Variants in CHCHD6 observed in about 807,000 individuals in gnomAD.
CHCHD6 encodes coiled-coil-helix-coiled-coil-helix domain containing 6.
A neutral mutation model predicts 32.3 loss-of-function variants in CHCHD6; 28 were observed. The ratio of observed to expected loss-of-function variants is 0.87; its 90% CI spans 0.64 to 1.19. The LOEUF is 1.19. Among genes scored for constraint, CHCHD6 ranks in the 50% most tolerant of loss-of-function variants. The pLI, the probability that CHCHD6 is intolerant of heterozygous loss-of-function variation, is 0.00. For synonymous variants in CHCHD6, 122 were observed against 117.5 expected (o/e 1.04, Z -0.25); for missense variants, 333 against 307.0 (o/e 1.08, Z -0.63).
chr3:126,951,608 T>C (rs1214940369), intron 6 of CHCHD6, among the ~76,000 whole-genome samples: 1 of 152,152 alleles, frequency 6.6e-6, no homozygotes, highest in Admixed American at 6.5e-5. Context: ...TAGCTAGTTA[T>C]GGGTTCTTCA....
chr3:126,773,470 G>T (rs952928311), intron 4 of CHCHD6, among the ~76,000 whole-genome samples: 6 of 152,298 alleles, frequency 3.9e-5, no homozygotes, highest in African/African-American at 1.2e-4. Flanking sequence ...GCAAAGGCAA[G>T]TAAAAACACC....
chr3:126,773,635 G>T (rs1049809901), intron 4 of CHCHD6, among the ~76,000 whole-genome samples: 1 of 134,846 alleles, frequency 7.4e-6, no homozygotes, highest in African/African-American at 2.8e-5. Context: ...TTGAGACAGA[G>T]CGTCAGAGTC....
At chr3:126,794,794 C>T (rs1938714253) in intron 4 of CHCHD6, among the ~76,000 whole-genome samples, 1 of 152,092 alleles carries the variant, frequency 6.6e-6, no homozygotes, top group South Asian at 2.1e-4. Flanking sequence ...GTTGTGTTCA[C>T]CTCTGATGTC....
intron 4 of CHCHD6, among the ~76,000 whole-genome samples, chr3:126,849,426 G>C (rs77799423): frequency 0.019 from 2,876 of 152,296 alleles, 96 homozygotes; most frequent in African/African-American, 0.065. Flanking sequence ...TTATCTGCCA[G>C]TGCTATGTGT....
At chr3:126,940,926 G>T (rs556044361) in intron 6 of CHCHD6, among the ~76,000 whole-genome samples, 5 of 152,134 alleles carry the variant, frequency 3.3e-5, no homozygotes, top group African/African-American at 1.2e-4. Flanking sequence ...AGGTCTTTGT[G>T]TGATGGTGTT....
rs543100304 is a variant in CHCHD6 at position 126,854,477 on chromosome 3, G to A, written c.495+1747G>A. Among the ~76,000 whole-genome samples the A allele has an allele frequency of 2.0e-5, 3 of 152,260 alleles. No individual in the cohort carries two copies. The South Asian group carries it at 6.2e-4, about 32-fold the overall frequency. Reference sequence around the variant, plus strand: ...GGAGGCAGAAGAATGAGGCTTAATTGTATTAGTTTTGAAAAAGGTTTTTGA... The same window carrying A: ...GGAGGCAGAAGAATGAGGCTTAATTATATTAGTTTTGAAAAAGGTTTTTGA... On this transcript the variant is annotated intron_variant, in intron 5 of 7. Coordinates refer to ENST00000290913, the MANE Select transcript of CHCHD6 (RefSeq NM_032343.3).
intron 4 of CHCHD6, among the ~76,000 whole-genome samples, chr3:126,775,895 G>A (rs1937632810): frequency 1.3e-5 from 2 of 152,238 alleles, no homozygotes; most frequent in Admixed American, 1.3e-4. Flanking sequence ...CACACTGGGT[G>A]CAGGTGCGGA....
chr3:126,948,449 C>T (rs1401864910), intron 6 of CHCHD6, among the ~76,000 whole-genome samples: 1 of 152,192 alleles, frequency 6.6e-6, no homozygotes, highest in East Asian at 1.9e-4. Context: ...GTGTTGTGGT[C>T]TCTGTGTCTC....
At chr3:126,940,091 A>G (rs928073169) in intron 6 of CHCHD6, among the ~76,000 whole-genome samples, 16 of 152,228 alleles carry the variant, frequency 1.1e-4, no homozygotes, top group Non-Finnish European at 1.8e-4. Context: ...GAGTATATAC[A>G]TATCTTCCAG....
intron 1 of CHCHD6, among the ~76,000 whole-genome samples, chr3:126,708,360 G>A (rs1006707965): frequency 2.6e-5 from 4 of 152,344 alleles, no homozygotes; most frequent in East Asian, 3.9e-4. Context: ...GCCACAAGGA[G>A]GGTAGGATGC....
chr3:126,913,545 G>A (rs2078126304), intron 5 of CHCHD6, among the ~76,000 whole-genome samples: 2 of 152,006 alleles, frequency 1.3e-5, no homozygotes, highest in South Asian at 2.1e-4. Flanking sequence ...GTCTGCAAAG[G>A]GACTGACCTT....
intron 4 of CHCHD6, among the ~76,000 whole-genome samples, chr3:126,807,743 C>G (rs1939465726): frequency 6.6e-6 from 1 of 152,176 alleles, no homozygotes; most frequent in Non-Finnish European, 1.5e-5. Context: ...AGGACAAGAA[C>G]TGATCCTTGA....
At chr3:126,905,697 C>T (rs1456154201) in intron 5 of CHCHD6, among the ~76,000 whole-genome samples, 1 of 152,048 alleles carries the variant, frequency 6.6e-6, no homozygotes, top group African/African-American at 2.4e-5. Flanking sequence ...TTTGTCCACT[C>T]ATAAGATAAT....
intron 4 of CHCHD6, among the ~76,000 whole-genome samples, chr3:126,787,609 T>G (rs984003336): frequency 1.3e-5 from 2 of 152,224 alleles, no homozygotes; most frequent in African/African-American, 4.8e-5. Flanking sequence ...AGTTCACTCA[T>G]GATTTGGCTC....
chr3:126,901,861 T>C (rs1276406769), intron 5 of CHCHD6, among the ~76,000 whole-genome samples: 2 of 152,234 alleles, frequency 1.3e-5, no homozygotes, highest in Non-Finnish European at 2.9e-5. Flanking sequence ...CTGTCACTCA[T>C]TGAGTGCTTG....
intron 6 of CHCHD6, among the ~76,000 whole-genome samples, chr3:126,932,463 A>G (rs1013904261): frequency 1.9e-4 from 29 of 152,132 alleles, no homozygotes; most frequent in Admixed American, 2.0e-4. Flanking sequence ...CTCTAAATCC[A>G]TCCTGACTTC....
intron 6 of CHCHD6, among the ~76,000 whole-genome samples, chr3:126,936,682 A>C (rs1431375259): frequency 6.6e-6 from 1 of 152,060 alleles, no homozygotes; most frequent in African/African-American, 2.4e-5. Context: ...CAGCCTCCCA[A>C]GTAGCTGGGT....
intron 6 of CHCHD6, among the ~76,000 whole-genome samples, chr3:126,941,177 C>A (rs570320235): frequency 6.6e-6 from 1 of 152,170 alleles, no homozygotes; most frequent in East Asian, 1.9e-4. Flanking sequence ...AATTGTTGTT[C>A]CAAATAGCCT....
At chr3:126,859,185 G>A (rs1941768946) in intron 5 of CHCHD6, among the ~76,000 whole-genome samples, 2 of 152,274 alleles carry the variant, frequency 1.3e-5, no homozygotes, top group Middle Eastern at 3.4e-3. Context: ...GTGACGCAGC[G>A]GGGTTCCAGA....
Sources: allele counts gnomAD v4.1 joint callset (sites outside exome capture counted in the v4.1 genomes callset), GRCh38; gene constraint gnomAD v4.1.1; transcripts MANE v1.5; gene names NCBI Gene and HGNC (gene_info 2026-07-23, HGNC 2026-07-21).